DLG1: variants seen among roughly 807,000 people sequenced by gnomAD.
DLG1 encodes the protein disks large homolog 1.
A neutral mutation model predicts 123.4 loss-of-function variants in DLG1; 42 were observed. The ratio of observed to expected loss-of-function variants is 0.34; its 90% CI spans 0.27 to 0.44. The LOEUF is 0.44. Ranked by LOEUF, DLG1 falls within the 20% of genes least tolerant of loss-of-function variation. The probability of loss-of-function intolerance (pLI) is 1.00; values close to 1 mark genes in which losing one functional copy is unlikely to be tolerated. For missense variants in DLG1, 942 were observed against 1,082.6 expected, an observed-to-expected ratio of 0.87 and a Z score of 1.82; for synonymous variants, 317 against 356.2, an observed-to-expected ratio of 0.89 and a Z score of 1.24.
At chr3:197,123,878 T>G (rs1319538609) in intron 11 of DLG1, among the ~76,000 whole-genome samples, 2 of 152,156 alleles carry the variant, frequency 1.3e-5, no homozygotes, top group East Asian at 3.9e-4. Context: ...TACATAGCAG[T>G]TTTAAAAAGC....
chr3:197,073,391 T>C (rs1468828476), intron 18 of DLG1, among the ~76,000 whole-genome samples: 1 of 152,192 alleles, frequency 6.6e-6, no homozygotes, highest in Admixed American at 6.5e-5. Context: ...TCTGAGCACC[T>C]TATGTATCTT....
intron 5 of DLG1, among the ~76,000 whole-genome samples, chr3:197,163,687 A>ATTTTT (rs56865627): frequency 1.8e-4 from 18 of 102,020 alleles, no homozygotes; most frequent in East Asian, 8.6e-4. Flanking sequence ...ATGCTCAGCT[A>ATTTTT]TTTTTTTTTT....
intron 16 of DLG1, among the ~76,000 whole-genome samples, chr3:197,082,748 G>A (rs1056944346): frequency 5.9e-5 from 9 of 152,098 alleles, no homozygotes; most frequent in Admixed American, 1.3e-4. Flanking sequence ...TGTATTTTAC[G>A]GGAGTAAGAT....
intron 4 of DLG1, among the ~76,000 whole-genome samples, chr3:197,200,838 C>CA (rs947700314): frequency 1.4e-4 from 21 of 151,394 alleles, no homozygotes; most frequent in Non-Finnish European, 2.2e-4. Context: ...CATATCTCAA[C>CA]AAAAAAAAGA....
chr3:197,095,861 T>A (rs986015351), intron 14 of DLG1, among the ~76,000 whole-genome samples: 1 of 152,190 alleles, frequency 6.6e-6, no homozygotes, highest in Admixed American at 6.5e-5. Context: ...ATTTGGCCAG[T>A]GAGAGTCCCT....
intron 24 of DLG1, among the ~76,000 whole-genome samples, chr3:197,047,558 C>T (rs1023917793): frequency 3.3e-5 from 5 of 149,524 alleles, no homozygotes; most frequent in African/African-American, 7.4e-5. Flanking sequence ...AAGGACAAGG[C>T]GAGTAAAATA....
intron 4 of DLG1, among the ~76,000 whole-genome samples, chr3:197,251,110 G>A (rs546731063): frequency 7.3e-4 from 111 of 151,540 alleles, no homozygotes; most frequent in Non-Finnish European, 1.3e-3. Flanking sequence ...TCAGGGACAG[G>A]CACGGTGGCT....
chr3:197,096,299 T>C (rs1326820295), intron 14 of DLG1, among the ~76,000 whole-genome samples: 2 of 152,240 alleles, frequency 1.3e-5, no homozygotes, highest in African/African-American at 4.8e-5. Context: ...GTGAAAATTA[T>C]GAATAACAAT....
At chr3:197,047,703 G>A (rs1379656268) in intron 24 of DLG1, among the ~76,000 whole-genome samples, 1 of 151,984 alleles carries the variant, frequency 6.6e-6, no homozygotes, top group African/African-American at 2.4e-5. Flanking sequence ...TAAATAAATG[G>A]TGCTGGAAAA....
chr3:197,212,464 C>T (rs1217847244), intron 4 of DLG1, among the ~76,000 whole-genome samples: 1 of 152,232 alleles, frequency 6.6e-6, no homozygotes, highest in African/African-American at 2.4e-5. Flanking sequence ...TACAAGACTA[C>T]AGGCAGAGTT....
chr3:197,215,191 C>T (rs1016882382), intron 4 of DLG1, among the ~76,000 whole-genome samples: 3 of 152,000 alleles, frequency 2.0e-5, no homozygotes, highest in Non-Finnish European at 2.9e-5. Context: ...TAAGATAATG[C>T]GTAATGGCAC....
chr3:197,149,241 C>A (rs1330564518), intron 6 of DLG1, among the ~76,000 whole-genome samples: 1 of 152,156 alleles, frequency 6.6e-6, no homozygotes, highest in Non-Finnish European at 1.5e-5. Flanking sequence ...CTGGCAACTG[C>A]TAATCTACTT....
intron 4 of DLG1, among the ~76,000 whole-genome samples, chr3:197,233,799 C>T (rs1322081996): frequency 2.6e-5 from 4 of 152,230 alleles, no homozygotes; most frequent in Non-Finnish European, 2.9e-5. Context: ...GGATTACAGG[C>T]GTAAGCCACC....
chr3:197,150,142 T>C (rs535161035), intron 5 of DLG1, among the ~76,000 whole-genome samples: 2 of 152,258 alleles, frequency 1.3e-5, no homozygotes, highest in African/African-American at 4.8e-5. Flanking sequence ...TTGTTTTCTC[T>C]TCCCAAAGAT....
chr3:197,083,218 T>C (rs1451599129), intron 16 of DLG1, among the ~76,000 whole-genome samples: 1 of 152,216 alleles, frequency 6.6e-6, no homozygotes, highest in Admixed American at 6.5e-5. Flanking sequence ...ATCTTGATTA[T>C]AATTTAATAA....
At chr3:197,212,010 T>G (rs1041169076) in intron 4 of DLG1, among the ~76,000 whole-genome samples, 2 of 146,400 alleles carry the variant, frequency 1.4e-5, no homozygotes, top group East Asian at 3.9e-4. Context: ...AAATACTGAA[T>G]GTTCTCACTT....
chr3:197,127,633 G>C (rs986203411), intron 11 of DLG1, among the ~76,000 whole-genome samples: 1 of 150,690 alleles, frequency 6.6e-6, no homozygotes, highest in Non-Finnish European at 1.5e-5. Context: ...GTACCTAAGA[G>C]CAAAGAAAAT....
chr3:197,244,803 C>T (rs945233447), intron 4 of DLG1, among the ~76,000 whole-genome samples: 1 of 152,066 alleles, frequency 6.6e-6, no homozygotes, highest in Non-Finnish European at 1.5e-5. Flanking sequence ...CTGATGAGAA[C>T]ATCATCCCCA....
chr3:197,097,770 A>G (rs1002174956), intron 14 of DLG1, among the ~76,000 whole-genome samples: 5 of 148,776 alleles, frequency 3.4e-5, no homozygotes, highest in Admixed American at 6.7e-5. Flanking sequence ...TAGTAGAGAC[A>G]GGGGTTTCAC....
Sources: allele counts gnomAD v4.1 joint callset (sites outside exome capture counted in the v4.1 genomes callset), GRCh38; gene constraint gnomAD v4.1.1; transcripts MANE v1.5; gene names NCBI Gene and HGNC (gene_info 2026-07-23, HGNC 2026-07-21).